Variants in ANKRD30B observed in about 807,000 individuals in gnomAD.
The protein encoded by ANKRD30B is ankyrin repeat domain 30B, also known as ankyrin repeat domain-containing protein 30B.
In ANKRD30B, 144 loss-of-function variants were observed where a neutral mutation model predicts 202.2. The observed-to-expected ratio is 0.71, with a 90% CI of 0.62 to 0.82. ANKRD30B has a LOEUF of 0.82. ANKRD30B is among the 40% of genes least tolerant of loss of function. The probability of loss-of-function intolerance (pLI) is 0.00; values close to 1 mark genes in which losing one functional copy is unlikely to be tolerated. For missense variants in ANKRD30B, 1,487 were observed against 1,669.1 expected (o/e 0.89, Z 1.90); for synonymous variants, 508 against 561.3 (o/e 0.91, Z 1.34).
intron 12 of ANKRD30B, 105 bp from the exon 13 acceptor site, chr18:14,784,231 C>T: frequency 8.4e-7 from 1 of 1,183,486 alleles, no homozygotes; most frequent in Non-Finnish European, 1.2e-6. Flanking sequence ...ACTATTCATT[C>T]TCAAAGTCAA....
intron 27 of ANKRD30B, 30 bp downstream of exon 27, chr18:14,810,044 A>G: frequency 3.4e-6 from 5 of 1,455,434 alleles, no homozygotes; most frequent in Non-Finnish European, 2.9e-6. Context: ...TATCTTGAAT[A>G]TTACCTACAT....
At chr18:14,834,945 T>C (rs1417276661) in intron 34 of ANKRD30B, among the ~76,000 whole-genome samples, 1 of 151,970 alleles carries the variant, frequency 6.6e-6, no homozygotes, top group Admixed American at 6.5e-5. Flanking sequence ...CCAACTTTAT[T>C]GTGAATTATT....
chr18:14,798,359 A>C (rs1053488649), intron 20 of ANKRD30B, among the ~76,000 whole-genome samples: 1 of 152,142 alleles, frequency 6.6e-6, no homozygotes, highest in African/African-American at 2.4e-5. Flanking sequence ...AATACAGTAC[A>C]CAGGGATAAG....
Position 14,796,653 on chromosome 18 carries a change from A to G in ANKRD30B, c.1927+238A>G, listed in dbSNP as rs138243497. Among the ~76,000 whole-genome samples the G allele has an allele frequency of 7.7e-4, 118 of 152,274 alleles. 2 individuals are homozygous for G. The East Asian group carries it at 0.015, about 19-fold the overall frequency. ...GGATATCTGTCCAGCAGCCTGCAAT[A>G]CAATGGGGCCTTGTCTTTGTTCCCA... On this transcript the variant is annotated intron_variant, in intron 18 of 43. Coordinates refer to ENST00000690538, the MANE Select transcript of ANKRD30B (RefSeq NM_001367607.2).
At chr18:14,763,102 T>C (rs1209461136) in intron 6 of ANKRD30B, among the ~76,000 whole-genome samples, 1 of 152,100 alleles carries the variant, frequency 6.6e-6, no homozygotes, top group Admixed American at 6.5e-5. Context: ...CTTATTATTA[T>C]TATCTTTTTT....
the ANKRD30B span, among the ~76,000 whole-genome samples, chr18:14,890,884 C>A: frequency 6.6e-6 from 1 of 152,002 alleles, no homozygotes; most frequent in Non-Finnish European, 1.5e-5. Context: ...ACTTTTAAAT[C>A]TTTGTTGAAA....
At chr18:14,832,236 C>A (rs533434850) in intron 34 of ANKRD30B, among the ~76,000 whole-genome samples, 1 of 152,060 alleles carries the variant, frequency 6.6e-6, no homozygotes, top group African/African-American at 2.4e-5. Context: ...AATGTAAATT[C>A]TCTTTCTCAG....
the ANKRD30B span, chr18:14,889,000 A>G: frequency 8.0e-6 from 4 of 501,422 alleles, no homozygotes; most frequent in Non-Finnish European, 7.1e-6. Flanking sequence ...GAATTGAAAC[A>G]TACACAACTT....
At chr18:14,845,903 T>C (rs1971617829) in intron 39 of ANKRD30B, among the ~76,000 whole-genome samples, 1 of 152,142 alleles carries the variant, frequency 6.6e-6, no homozygotes, top group African/African-American at 2.4e-5. Flanking sequence ...TTAATCCATT[T>C]ATGAAGGGTT....
the ANKRD30B span, among the ~76,000 whole-genome samples, chr18:14,903,261 G>C: frequency 1.3e-5 from 2 of 152,166 alleles, no homozygotes; most frequent in East Asian, 3.8e-4. Context: ...TGGAGGAAAG[G>C]CGTGAACATT....
At chr18:14,919,833 A>C in the ANKRD30B span, among the ~76,000 whole-genome samples, 1 of 152,200 alleles carries the variant, frequency 6.6e-6, no homozygotes, top group Non-Finnish European at 1.5e-5. Flanking sequence ...AACCCTGGTA[A>C]ATGTTTAAAA....
At chr18:14,758,030 C>A in intron 5 of ANKRD30B, 78 bp downstream of exon 5, 4 of 1,466,796 alleles carry the variant, frequency 2.7e-6, no homozygotes, top group South Asian at 2.7e-5. Context: ...TGACTTAGTT[C>A]ACTTCATCAG....
chr18:14,888,499 AT>A, the ANKRD30B span, among the ~76,000 whole-genome samples: 1 of 152,018 alleles, frequency 6.6e-6, no homozygotes, highest in Admixed American at 6.6e-5. Context: ...ACTAAATCTG[AT>A]TTTTGTGTAT....
At chr18:14,840,508 C>A in intron 36 of ANKRD30B, 80 bp from the exon 37 acceptor site, 1 of 643,276 alleles carries the variant, frequency 1.6e-6, no homozygotes, top group Admixed American at 4.5e-5. Flanking sequence ...CACTGGGCAA[C>A]CCTGCGAGGC....
chr18:14,753,504 T>C (rs908307509), intron 3 of ANKRD30B, among the ~76,000 whole-genome samples: 2 of 152,196 alleles, frequency 1.3e-5, no homozygotes, highest in Non-Finnish European at 2.9e-5. Flanking sequence ...CATCACTTAC[T>C]GAACTTACCT....
chr18:14,810,578 T>C (rs531110687), intron 28 of ANKRD30B, among the ~76,000 whole-genome samples: 2,530 of 151,020 alleles, frequency 0.017, 193 homozygotes, highest in African/African-American at 0.059. Context: ...AGTGTTGTCA[T>C]TCTGAGAATC....
intron 10 of ANKRD30B, among the ~76,000 whole-genome samples, chr18:14,778,659 A>C (rs1181569158): frequency 1.3e-5 from 2 of 152,242 alleles, no homozygotes; most frequent in Non-Finnish European, 2.9e-5. Context: ...TATTGACCAG[A>C]AGTTTTCAAA....
At chr18:14,765,321 G>A (rs1179562822) in intron 7 of ANKRD30B, among the ~76,000 whole-genome samples, 1 of 152,012 alleles carries the variant, frequency 6.6e-6, no homozygotes, top group Non-Finnish European at 1.5e-5. Flanking sequence ...AAAATAGCCA[G>A]GCTTGGTGGC....
chr18:14,922,560 CAGG>C, the ANKRD30B span, among the ~76,000 whole-genome samples: 1 of 149,098 alleles, frequency 6.7e-6, no homozygotes, highest in Non-Finnish European at 1.5e-5. Flanking sequence ...GAGGCTGAGG[CAGG>C]AGAATGGAGT....
Sources: gnomAD v4.1 joint callset for allele counts (sites outside exome capture counted in the v4.1 genomes callset) on GRCh38, gnomAD v4.1.1 for gene constraint, MANE v1.5 for transcripts, NCBI Gene and HGNC (gene_info 2026-07-23, HGNC 2026-07-21) for gene names.